Variants in ZDHHC11B observed in about 807,000 individuals in gnomAD.
ZDHHC11B encodes probable palmitoyltransferase ZDHHC11B.
In ZDHHC11B, 17 loss-of-function variants were observed where a neutral mutation model predicts 42.3. The ratio of observed to expected loss-of-function variants is 0.40; its 90% CI spans 0.27 to 0.60. The LOEUF is 0.60. Ranked by LOEUF, ZDHHC11B falls within the 20% of genes least tolerant of loss-of-function variation. The pLI is 0.41. For synonymous variants in ZDHHC11B, 123 were observed against 193.5 expected (o/e 0.64, Z 3.02); for missense variants, 262 against 463.2 (o/e 0.57, Z 3.99).
chr5:743,891 A>G (rs1201756524), intron 9 of ZDHHC11B, among the ~76,000 whole-genome samples: 2 of 149,830 alleles, frequency 1.3e-5, no homozygotes, highest in Non-Finnish European at 3.0e-5. Flanking sequence ...ATGTGACTGC[A>G]ATGTCAGAAG....
At chr5:716,108 C>T (rs1454109344) in intron 13 of ZDHHC11B, among the ~76,000 whole-genome samples, 1 of 150,678 alleles carries the variant, frequency 6.6e-6, no homozygotes, top group African/African-American at 2.4e-5. Context: ...GCCAAGGTAA[C>T]ACCTTAGAGA....
At chr5:722,271 T>C (rs1303185568) in intron 12 of ZDHHC11B, among the ~76,000 whole-genome samples, 3 of 151,838 alleles carry the variant, frequency 2.0e-5, no homozygotes, top group Non-Finnish European at 4.4e-5. Flanking sequence ...GGAGTTAAGC[T>C]GCACGTGGAC....
intron 9 of ZDHHC11B, among the ~76,000 whole-genome samples, chr5:743,965 G>T (rs1331736811): frequency 1.3e-5 from 2 of 149,882 alleles, no homozygotes; most frequent in African/African-American, 4.9e-5. Flanking sequence ...CCTTTCACCA[G>T]TAAATGTCAT....
chr5:743,197 C>A (rs1314172286), intron 9 of ZDHHC11B, among the ~76,000 whole-genome samples: 2 of 148,976 alleles, frequency 1.3e-5, no homozygotes, highest in African/African-American at 4.9e-5. Context: ...AACTTTGGAC[C>A]TTTCTTCTGG....
intron 4 of ZDHHC11B, among the ~76,000 whole-genome samples, chr5:761,076 C>A (rs1734546861): frequency 6.6e-6 from 1 of 151,824 alleles, no homozygotes; most frequent in Admixed American, 6.6e-5. Flanking sequence ...GCAACATGCC[C>A]AGAACCTCGG....
intron 11 of ZDHHC11B, chr5:732,238 A>G (rs1743071039): frequency 6.2e-6 from 1 of 161,330 alleles, no homozygotes; most frequent in Non-Finnish European, 1.4e-5. Flanking sequence ...TTTTCATAGG[A>G]TTGTCCTGGA....
In ZDHHC11B at chr5:733,786, G is replaced by A; in HGVS notation, c.989C>T (p.Thr330Ile). ...LIYKCPCHFC[T>I]SVNQDGDSKA... Reference sequence around the variant, plus strand: ...CGAATCCCCGTCCTGGTTTACTGAAGTGCAGAAGTGACATGGGCATTTGTA... The same window carrying A: ...CGAATCCCCGTCCTGGTTTACTGAAATGCAGAAGTGACATGGGCATTTGTA... The change falls in exon 11 of 14, where the codon ACT becomes ATT. Residue 330 changes from threonine (T) to isoleucine (I), a missense_variant. By Grantham distance (89) the Thr-to-Ile change is moderately conservative. Transcript: ENST00000508859. The A allele has an allele frequency of 1.2e-6, 2 of 1,611,278 alleles. No homozygotes were observed. Among genetic ancestry groups the A allele is most frequent in the Non-Finnish European group, 1.7e-6 (2 of 1,179,398 alleles).
In ZDHHC11B at chr5:722,090, A is replaced by C. The variant is rs115245129; in HGVS notation, c.1059-5225T>G. Among the ~76,000 whole-genome samples, 1,186 of 151,818 alleles carry C rather than the reference A, an allele frequency of 7.8e-3. 21 individuals are homozygous for C. The highest frequency in any genetic ancestry group is 0.013 in the Non-Finnish European group (909 of 67,902). On this transcript the variant is annotated intron_variant, in intron 12 of 13. Coordinates refer to ENST00000508859, the MANE Select transcript of ZDHHC11B (RefSeq NM_001351303.2). ...AACCAAACATAAAGACTCGGCTCTC[A>C]AAATCAAAACTGAAAACCCTTAGTA... is the stretch of plus-strand genomic sequence containing the variant.
At chr5:750,704 G>A (rs58706960) in intron 7 of ZDHHC11B, among the ~76,000 whole-genome samples, 2,624 of 125,414 alleles carry the variant, frequency 0.021, 28 homozygotes, top group African/African-American at 0.061. Context: ...TCAGCACACC[G>A]CAGCCTACAG....
chr5:717,569 A>C (rs1741849902), intron 12 of ZDHHC11B, among the ~76,000 whole-genome samples: 1 of 151,872 alleles, frequency 6.6e-6, no homozygotes, highest in South Asian at 2.1e-4. Flanking sequence ...CGTATCCATC[A>C]CATGCTATAG....
Position 730,439 on chromosome 5 carries a change from T to C in ZDHHC11B, c.1053A>G (p.Thr351=), listed in dbSNP as rs1438986989. 6.3e-7 allele frequency: 1 copy of C among 1,578,024 alleles called. No individual in the cohort carries two copies. Among genetic ancestry groups the C allele is most frequent in the African/African-American group, 1.4e-5 (1 of 72,838 alleles). Residue 351 remains threonine, a synonymous_variant, in exon 12 of 14, where the codon ACA becomes ACG. Coordinates refer to ENST00000508859, the MANE Select transcript of ZDHHC11B (RefSeq NM_001351303.2). ...QEADDAPSTS[T]LGLQQETTEP... ...CATTAAACTTACGAACTTACCCAAG[T>C]GTAGATGTACTCGGGGCATCATCTG... is the stretch of plus-strand genomic sequence containing the variant.
chr5:716,332 A>G (rs71587134), intron 13 of ZDHHC11B, among the ~76,000 whole-genome samples: 12,582 of 143,534 alleles, frequency 0.088, 661 homozygotes, highest in Middle Eastern at 0.17. Flanking sequence ...CCTGATTCTG[A>G]AAGTAAATGA....
At position 751,691 on chromosome 5, in the gene ZDHHC11B, CTG is replaced by C. The variant is rs1157798609; in HGVS notation, c.504-436_504-435del. The stretch of plus-strand genomic sequence containing the variant: ...CACTGCCCGATGCTGGCCTCAAACC[CTG>C]CTCCCGACCATGCCTGGAAGCTCAG... On this transcript the variant is annotated intron_variant, in intron 6 of 13. Coordinates refer to ENST00000508859, the MANE Select transcript of ZDHHC11B (RefSeq NM_001351303.2). Among the ~76,000 whole-genome samples the C allele has an allele frequency of 1.0e-3, 128 of 128,248 alleles. 16 individuals are homozygous for C. The highest frequency in any genetic ancestry group is 3.1e-3 in the African/African-American group (121 of 39,500). The allele number at this position is 128,248 out of a possible 152,430, so 84.1% of individuals were successfully genotyped here.
In ZDHHC11B at chr5:753,153, C is replaced by T. The variant is rs1189431426; in HGVS notation, c.503+1845G>A. On this transcript the variant is annotated intron_variant, in intron 6 of 13. Coordinates refer to ENST00000508859, the MANE Select transcript of ZDHHC11B (RefSeq NM_001351303.2). ...CGTCCCCCTTCCTCTCTTATCACTA[C>T]GAAGTATGCAGCCTCCCTCACAGGG... is the stretch of plus-strand genomic sequence containing the variant. Among the ~76,000 whole-genome samples, 10 of 129,386 alleles carry T rather than the reference C, an allele frequency of 7.7e-5. 1 individual carries two copies. The East Asian group carries it at 2.7e-3, about 34-fold the overall frequency. 84.9% of individuals were successfully genotyped at this position (129,386 alleles called of 152,430 possible).
intron 4 of ZDHHC11B, among the ~76,000 whole-genome samples, chr5:761,101 A>T (rs1039004219): frequency 6.6e-5 from 10 of 151,892 alleles, no homozygotes; most frequent in Admixed American, 6.6e-5. Flanking sequence ...ATTCTGGATT[A>T]AAAAATCCTG....
chr5:769,562 G>T (rs1346348481), intron 1 of ZDHHC11B, among the ~76,000 whole-genome samples: 1 of 152,030 alleles, frequency 6.6e-6, no homozygotes, highest in East Asian at 1.9e-4. Context: ...GAGGGAAGCA[G>T]GAATCTAGAG....
chr5:725,745 A>G (rs1163998476), intron 12 of ZDHHC11B, among the ~76,000 whole-genome samples: 12 of 150,698 alleles, frequency 8.0e-5, no homozygotes, highest in African/African-American at 2.9e-4. Flanking sequence ...ACAAGAGGCC[A>G]TTAAGGCTCC....
At chr5:749,152 C>T (rs190957768) in intron 7 of ZDHHC11B, among the ~76,000 whole-genome samples, 1 of 125,448 alleles carries the variant, frequency 8.0e-6, no homozygotes, top group East Asian at 3.4e-4. Flanking sequence ...CTGCCGAGTC[C>T]CAGCATCCAT....
intron 6 of ZDHHC11B, among the ~76,000 whole-genome samples, chr5:753,944 A>G (rs1185899227): frequency 2.1e-5 from 3 of 143,682 alleles, no homozygotes; most frequent in African/African-American, 5.0e-5. Context: ...GATCTTCACA[A>G]TACAGTGCTG....
Sources: gnomAD v4.1 joint callset for allele counts (sites outside exome capture counted in the v4.1 genomes callset) on GRCh38, gnomAD v4.1.1 for gene constraint, MANE v1.5 for transcripts, NCBI Gene and HGNC (gene_info 2026-07-23, HGNC 2026-07-21) for gene names.